Variants in ERC1 observed in about 807,000 individuals in gnomAD.
The protein encoded by ERC1 is ELKS/RAB6-interacting/CAST family member 1, also known as RAB6 interacting protein 2.
A neutral mutation model predicts 132.0 loss-of-function variants in ERC1; 56 were observed. The observed-to-expected ratio is 0.42, with a 90% confidence interval of 0.34 to 0.53. The LOEUF is 0.53. ERC1 is among the 20% of genes least tolerant of loss of function. The pLI, the probability that ERC1 is intolerant of heterozygous loss-of-function variation, is 0.03. For synonymous variants in ERC1, 478 were observed against 476.1 expected (o/e 1.00, Z -0.05); for missense variants, 1,202 against 1,349.9 (o/e 0.89, Z 1.72).
chr12:1,280,599 A>C (rs1267767564), intron 14 of ERC1, among the ~76,000 whole-genome samples: 5 of 152,180 alleles, frequency 3.3e-5, no homozygotes, highest in Non-Finnish European at 1.5e-5. Flanking sequence ...TTATCCCCAC[A>C]AGTATCCACT....
chr12:1,453,788 T>G (rs2154417381), intron 18 of ERC1, among the ~76,000 whole-genome samples: 1 of 152,336 alleles, frequency 6.6e-6, no homozygotes, highest in Non-Finnish European at 1.5e-5. Context: ...ATACCCAGAA[T>G]TAACAAATAT....
intron 8 of ERC1, among the ~76,000 whole-genome samples, chr12:1,172,296 T>A (rs1486557153): frequency 6.6e-6 from 1 of 152,080 alleles, no homozygotes; most frequent in Non-Finnish European, 1.5e-5. Context: ...GTTGCAGTAC[T>A]TCATCTCTAC....
intron 12 of ERC1, among the ~76,000 whole-genome samples, chr12:1,223,578 T>C (rs1039483432): frequency 6.6e-6 from 1 of 152,192 alleles, no homozygotes; most frequent in Non-Finnish European, 1.5e-5. Flanking sequence ...TTGTAAAACT[T>C]CTGGTGGCAG....
intron 17 of ERC1, among the ~76,000 whole-genome samples, chr12:1,441,455 T>A (rs1360110751): frequency 6.6e-6 from 1 of 152,270 alleles, no homozygotes. Context: ...TTTTAAATTC[T>A]GTTTTACTAT....
intron 18 of ERC1, among the ~76,000 whole-genome samples, chr12:1,460,254 TAAATC>T (rs1195264726): frequency 6.6e-6 from 1 of 152,224 alleles, no homozygotes; most frequent in African/African-American, 2.4e-5. Context: ...TTTAAAAACT[TAAATC>T]AGTAAACTAG....
At chr12:1,345,893 G>C (rs888234848) in intron 15 of ERC1, among the ~76,000 whole-genome samples, 1 of 152,162 alleles carries the variant, frequency 6.6e-6, no homozygotes, top group African/African-American at 2.4e-5. Context: ...TTGCATGCTT[G>C]ATAGTGTTTA....
At chr12:1,172,750 C>T (rs771752778) in intron 8 of ERC1, among the ~76,000 whole-genome samples, 10 of 148,664 alleles carry the variant, frequency 6.7e-5, no homozygotes, top group Non-Finnish European at 1.0e-4. Flanking sequence ...TTTTCTGTAA[C>T]AATTATTTTA....
rs185833948 is a variant in ERC1, at chr12:992,197, A to C, written c.-157+875A>C. 5.3e-5 allele frequency among the ~76,000 whole-genome samples: 8 copies of C among 152,174 alleles called. No homozygotes were observed. The East Asian group carries it at 1.4e-3, about 26-fold the overall frequency. On this transcript the variant is annotated intron_variant, in intron 1 of 18. Transcript: ENST00000360905. ...CCCCCAATGCCTAAAAGATCTCTTTATACCACCCTTTTACAGGCTTTATCC... is the reference window on the plus strand; with the variant it reads ...CCCCCAATGCCTAAAAGATCTCTTTCTACCACCCTTTTACAGGCTTTATCC...
chr12:1,094,783 T>G (rs1048758053), intron 3 of ERC1, among the ~76,000 whole-genome samples: 4 of 152,186 alleles, frequency 2.6e-5, no homozygotes, highest in Non-Finnish European at 5.9e-5. Context: ...CTGAGCACAC[T>G]ACTATTACCA....
At chr12:1,387,911 G>A (rs1025970963) in intron 16 of ERC1, among the ~76,000 whole-genome samples, 2 of 152,176 alleles carry the variant, frequency 1.3e-5, no homozygotes, top group African/African-American at 4.8e-5. Context: ...GAAGGTATTA[G>A]GGTTCCCCTT....
chr12:1,463,697 C>CTGTGTG (rs57210462), intron 18 of ERC1, among the ~76,000 whole-genome samples: 1,839 of 136,108 alleles, frequency 0.014, 40 homozygotes, highest in African/African-American at 0.045. Flanking sequence ...GGTGCTAAGA[C>CTGTGTG]TGTGTGTGTG....
At chr12:1,167,434 C>T (rs962254132) in intron 8 of ERC1, among the ~76,000 whole-genome samples, 21 of 152,318 alleles carry the variant, frequency 1.4e-4, no homozygotes, top group East Asian at 7.7e-4. Flanking sequence ...TAACTAACCA[C>T]GTGAAGAAGT....
intron 15 of ERC1, among the ~76,000 whole-genome samples, chr12:1,323,492 C>A (rs559956844): frequency 4.1e-4 from 62 of 152,272 alleles, no homozygotes; most frequent in African/African-American, 1.4e-3. Flanking sequence ...AATTCTTACA[C>A]TGCCACACCA....
At chr12:1,111,947 AC>A (rs1365504608) in intron 5 of ERC1, among the ~76,000 whole-genome samples, 3 of 151,744 alleles carry the variant, frequency 2.0e-5, no homozygotes, top group Non-Finnish European at 2.9e-5. Context: ...TGGATTTTTC[AC>A]CCTGATTTGA....
rs957757613 is a variant in ERC1 at position 1,494,422 on chromosome 12, G to A, written c.*4192G>A. The A allele has an allele frequency of 6.9e-5, 16 of 232,078 alleles. No individual in the cohort carries two copies. Among genetic ancestry groups the A allele is most frequent in the Middle Eastern group, 1.3e-3 (1 of 776 alleles). The allele number at this position is 232,078 out of a possible 1,614,324, so 14.4% of individuals were successfully genotyped here. A position where few individuals can be genotyped will look rare whatever the true frequency, so the allele number is the denominator to read the frequency against. ...ACATACATTACAGGGAAATCCTTCT[G>A]AACAAAATGGCTGTCTTCACCTACT... On this transcript the variant is annotated 3_prime_UTR_variant, in exon 19 of 19. Coordinates refer to ENST00000360905, the MANE Select transcript of ERC1 (RefSeq NM_178040.4).
intron 16 of ERC1, among the ~76,000 whole-genome samples, chr12:1,387,562 A>C (rs888983154): frequency 1.3e-5 from 2 of 152,238 alleles, no homozygotes; most frequent in Admixed American, 6.5e-5. Context: ...AACCCTAATG[A>C]CAAGTCCTTG....
chr12:1,154,357 A>G (rs1357834462), intron 8 of ERC1, among the ~76,000 whole-genome samples: 1 of 31,234 alleles, frequency 3.2e-5, no homozygotes, highest in Non-Finnish European at 9.5e-5. Context: ...GTGTTTATAC[A>G]CACACACACA....
At chr12:1,032,403 G>T (rs986656790) in intron 2 of ERC1, among the ~76,000 whole-genome samples, 1 of 152,162 alleles carries the variant, frequency 6.6e-6, no homozygotes, top group Non-Finnish European at 1.5e-5. Context: ...TGATGGTTCT[G>T]TTGTGGCACT....
chr12:1,074,939 T>C (rs1016042803), intron 2 of ERC1, among the ~76,000 whole-genome samples: 4 of 152,024 alleles, frequency 2.6e-5, no homozygotes, highest in African/African-American at 9.7e-5. Flanking sequence ...AGTGCGGGTC[T>C]TTTTTGCATT....
Sources: gnomAD v4.1 joint callset for allele counts (sites outside exome capture counted in the v4.1 genomes callset) on GRCh38, gnomAD v4.1.1 for gene constraint, MANE v1.5 for transcripts, NCBI Gene and HGNC (gene_info 2026-07-23, HGNC 2026-07-21) for gene names.